The following DLGAP2 variants were observed in gnomAD, a reference collection of about 807,000 sequenced individuals.
The protein encoded by DLGAP2 is disks large-associated protein 2.
DLGAP2 carries 26 observed loss-of-function variants against 100.3 expected under a neutral mutation model. That is an observed-to-expected ratio of 0.26 (90% CI 0.19 to 0.36). DLGAP2 has a LOEUF of 0.36. DLGAP2 is among the 10% of genes least tolerant of loss of function. The probability of loss-of-function intolerance (pLI) is 1.00; values close to 1 mark genes in which losing one functional copy is unlikely to be tolerated. For synonymous variants in DLGAP2, 886 were observed against 630.1 expected (o/e 1.41, Z -6.08); for missense variants, 1,858 against 1,453.2 (o/e 1.28, Z -4.53).
At chr8:919,450 CCTGCTGATGAGCTCCCCCA>C (rs529334881) in intron 2 of DLGAP2, among the ~76,000 whole-genome samples, 59 of 152,130 alleles carry the variant, frequency 3.9e-4, no homozygotes, top group African/African-American at 1.0e-3. Context: ...GTGAGTCCCC[CCTGCTGATGAGCTCCCCCA>C]CTGCTGATGA....
intron 6 of DLGAP2, among the ~76,000 whole-genome samples, chr8:1,600,667 C>G (rs1378216397): frequency 1.3e-5 from 2 of 152,192 alleles, no homozygotes; most frequent in Admixed American, 6.5e-5. Flanking sequence ...ATTGATTCAG[C>G]TATTGATACT....
At chr8:1,037,377 C>A (rs1802160136) in intron 2 of DLGAP2, among the ~76,000 whole-genome samples, 1 of 152,146 alleles carries the variant, frequency 6.6e-6, no homozygotes, top group African/African-American at 2.4e-5. Context: ...GCCTCGGGCC[C>A]AGGGCTTCCC....
intron 3 of DLGAP2, among the ~76,000 whole-genome samples, chr8:1,316,434 C>T (rs1209873604): frequency 3.1e-5 from 4 of 130,704 alleles, no homozygotes; most frequent in South Asian, 2.5e-4. Flanking sequence ...GTCTCTCCAA[C>T]AGTGGTCTAC....
chr8:1,483,000 G>C (rs1799139153), intron 3 of DLGAP2, among the ~76,000 whole-genome samples: 1 of 152,228 alleles, frequency 6.6e-6, no homozygotes, highest in Non-Finnish European at 1.5e-5. Flanking sequence ...TGGCGCACCT[G>C]TTCTTCCCTC....
chr8:1,623,163 T>C (rs913400055), intron 6 of DLGAP2, among the ~76,000 whole-genome samples: 12 of 152,268 alleles, frequency 7.9e-5, no homozygotes, highest in African/African-American at 2.4e-4. Flanking sequence ...GAGGATGGGA[T>C]CTTTGGCTCT....
At chr8:1,292,793 C>T (rs1002821788) in intron 3 of DLGAP2, among the ~76,000 whole-genome samples, 6 of 152,074 alleles carry the variant, frequency 3.9e-5, no homozygotes, top group Non-Finnish European at 5.9e-5. Flanking sequence ...TGTCACCCCT[C>T]TTCTCGGAAC....
At chr8:890,015 G>C (rs549310018) in intron 1 of DLGAP2, among the ~76,000 whole-genome samples, 9 of 152,058 alleles carry the variant, frequency 5.9e-5, no homozygotes, top group Non-Finnish European at 1.2e-4. Context: ...CCCCTTCCCC[G>C]TGTGTTTCTC....
At chr8:1,425,332 G>T (rs1480060403) in intron 3 of DLGAP2, among the ~76,000 whole-genome samples, 1 of 152,200 alleles carries the variant, frequency 6.6e-6, no homozygotes, top group African/African-American at 2.4e-5. Context: ...TGATCTGTCA[G>T]AAGGGGACCT....
chr8:1,324,512 C>G (rs1267395509), intron 3 of DLGAP2, among the ~76,000 whole-genome samples: 1 of 152,210 alleles, frequency 6.6e-6, no homozygotes. Flanking sequence ...CTTCCCAGAT[C>G]ATCTTACCCA....
At chr8:1,519,828 C>T (rs1800524628) in intron 4 of DLGAP2, among the ~76,000 whole-genome samples, 1 of 152,256 alleles carries the variant, frequency 6.6e-6, no homozygotes, top group Non-Finnish European at 1.5e-5. Context: ...AGGTGATGGC[C>T]CCGGCAGGGC....
chr8:1,344,213 G>GTCTTTGTACTCGGGGC (rs1801502384), intron 3 of DLGAP2, among the ~76,000 whole-genome samples: 5 of 152,154 alleles, frequency 3.3e-5, no homozygotes, highest in South Asian at 2.1e-4. Context: ...CCTGTCGTGG[G>GTCTTTGTACTCGGGGC]GCCTGTGCCG....
intron 2 of DLGAP2, among the ~76,000 whole-genome samples, chr8:940,945 C>T (rs1563104747): frequency 1.3e-5 from 2 of 152,094 alleles, no homozygotes; most frequent in Non-Finnish European, 2.9e-5. Context: ...TAGGGTACCA[C>T]CTGCCAGGAG....
At chr8:917,924 T>TA (rs1445605625) in intron 2 of DLGAP2, among the ~76,000 whole-genome samples, 2 of 152,164 alleles carry the variant, frequency 1.3e-5, no homozygotes, top group Non-Finnish European at 2.9e-5. Context: ...AATGAATAAA[T>TA]ACAAGCTGGA....
At chr8:1,092,199 G>A (rs1804208007) in intron 2 of DLGAP2, among the ~76,000 whole-genome samples, 1 of 152,168 alleles carries the variant, frequency 6.6e-6, no homozygotes, top group African/African-American at 2.4e-5. Flanking sequence ...TCACAGGTCA[G>A]CGCTGGGCAG....
intron 3 of DLGAP2, among the ~76,000 whole-genome samples, chr8:1,408,913 T>C (rs1470512121): frequency 6.6e-6 from 1 of 152,224 alleles, no homozygotes; most frequent in African/African-American, 2.4e-5. Context: ...CCCACCCTCC[T>C]GGGCCACAGG....
At chr8:831,520 C>A (rs188069561) in intron 1 of DLGAP2, among the ~76,000 whole-genome samples, 2 of 152,248 alleles carry the variant, frequency 1.3e-5, no homozygotes, top group African/African-American at 4.8e-5. Context: ...CCAGCTTCAT[C>A]CATGTCCCTG....
chr8:1,331,594 G>A (rs746169066), intron 3 of DLGAP2, among the ~76,000 whole-genome samples: 13 of 152,154 alleles, frequency 8.5e-5, no homozygotes, highest in African/African-American at 1.7e-4. Flanking sequence ...AATATAATCC[G>A]TCTTGTGTTT....
chr8:1,193,041 A>G (rs540792395), intron 2 of DLGAP2, among the ~76,000 whole-genome samples: 1 of 152,184 alleles, frequency 6.6e-6, no homozygotes, highest in African/African-American at 2.4e-5. Context: ...CATGGTGTAT[A>G]TGTGCCACAT....
At chr8:1,329,411 A>T (rs1801097744) in intron 3 of DLGAP2, among the ~76,000 whole-genome samples, 1 of 152,164 alleles carries the variant, frequency 6.6e-6, no homozygotes, top group Non-Finnish European at 1.5e-5. Context: ...ATTCAGCTAG[A>T]TCCGTTTTTC....
Sources: allele counts gnomAD v4.1 joint callset (sites outside exome capture counted in the v4.1 genomes callset), GRCh38; gene constraint gnomAD v4.1.1; transcripts MANE v1.5; gene names NCBI Gene and HGNC (gene_info 2026-07-23, HGNC 2026-07-21).